Variants in ACOT7 observed in about 807,000 individuals in gnomAD.
ACOT7 encodes the protein cytosolic acyl coenzyme A thioester hydrolase.
Under a neutral mutation model 40.2 loss-of-function variants are expected in ACOT7, and 12 were observed. The ratio of observed to expected loss-of-function variants is 0.30; its 90% CI spans 0.19 to 0.48. The LOEUF is 0.48. ACOT7 is among the 20% of genes least tolerant of loss of function. The probability of loss-of-function intolerance (pLI) is 0.99; values close to 1 mark genes in which losing one functional copy is unlikely to be tolerated. For missense variants in ACOT7, 395 were observed against 530.8 expected (o/e 0.74, Z 2.51); for synonymous variants, 228 against 219.5 (o/e 1.04, Z -0.34).
At chr1:6,287,447 C>T (rs1171602640) in intron 7 of ACOT7, among the ~76,000 whole-genome samples, 1 of 152,258 alleles carries the variant, frequency 6.6e-6, no homozygotes, top group Admixed American at 6.5e-5. Flanking sequence ...GCGACAGTCC[C>T]TGTCTCACTG....
intron 1 of ACOT7, among the ~76,000 whole-genome samples, chr1:6,371,466 G>A (rs1642132791): frequency 6.6e-6 from 1 of 151,502 alleles, no homozygotes; most frequent in South Asian, 2.1e-4. Flanking sequence ...GGGCTCAAGC[G>A]ATTCTCCTGC....
intron 5 of ACOT7, among the ~76,000 whole-genome samples, chr1:6,324,661 A>G (rs72858319): frequency 0.098 from 14,843 of 152,088 alleles, 1,858 homozygotes; most frequent in African/African-American, 0.29. Context: ...AACCGCTCAC[A>G]AAAAGGTAGG....
chr1:6,293,174 C>CT (rs1053072101), intron 7 of ACOT7, among the ~76,000 whole-genome samples: 1 of 152,182 alleles, frequency 6.6e-6, no homozygotes, highest in African/African-American at 2.4e-5. Context: ...CAGGCGTGAG[C>CT]CACAGCGCTC....
At chr1:6,372,840 G>T (rs753759571) in intron 1 of ACOT7, among the ~76,000 whole-genome samples, 1 of 152,102 alleles carries the variant, frequency 6.6e-6, no homozygotes, top group Non-Finnish European at 1.5e-5. Flanking sequence ...ATGTGCCACC[G>T]TGCCTGGCCT....
At chr1:6,266,625 A>G (rs1365220879) in intron 8 of ACOT7, among the ~76,000 whole-genome samples, 2 of 152,252 alleles carry the variant, frequency 1.3e-5, no homozygotes, top group East Asian at 1.9e-4. Flanking sequence ...TGAAGTGGCC[A>G]AGAATGCAAG....
chr1:6,376,974 T>C (rs1642245039), intron 1 of ACOT7, among the ~76,000 whole-genome samples: 1 of 152,122 alleles, frequency 6.6e-6, no homozygotes, highest in Non-Finnish European at 1.5e-5. Context: ...AATACGCACA[T>C]GAAAAGATGC....
In ACOT7 at chr1:6,274,687, G is replaced by C. The variant is rs1639138832; in HGVS notation, c.1014+6415C>G. Among the ~76,000 whole-genome samples the C allele has an allele frequency of 6.6e-6, 1 of 152,196 alleles. No homozygotes were observed. The highest frequency in any genetic ancestry group is 6.5e-5 in the Admixed American group (1 of 15,282). ...GAGGCAAAAGAATCAAACTGGAGTG[G>C]AAAACTTTCCACTAAAATGTGCCCC... On this transcript the variant is annotated intron_variant, in intron 8 of 8. Transcript: ENST00000361521. This position sits in a 1 kb window ranked among gnomAD's most constrained non-coding sequence, Gnocchi z 5.9.
rs1639395065 is a variant in ACOT7, at chr1:6,282,851, G to A, written c.830-1565C>T. On this transcript the variant is annotated intron_variant, in intron 7 of 8. Coordinates refer to ENST00000361521, the MANE Select transcript of ACOT7 (RefSeq NM_007274.4). This position sits in a 1 kb window ranked among gnomAD's most constrained non-coding sequence, Gnocchi z 4.5. Reference sequence around the variant, plus strand: ...CCCGCAGTCACAAGACGCACCCCGGGAGGAGGGCAGGCCATGGGTCAGGCC... The same window carrying A: ...CCCGCAGTCACAAGACGCACCCCGGAAGGAGGGCAGGCCATGGGTCAGGCC... The A allele has an allele frequency of 2.4e-6, 3 of 1,246,150 alleles. No homozygotes were observed. Among genetic ancestry groups the A allele is most frequent in the Non-Finnish European group, 3.2e-6 (3 of 936,092 alleles). The allele number at this position is 1,246,150 out of a possible 1,614,324, so 77.2% of individuals were successfully genotyped here. A position where few individuals can be genotyped will look rare whatever the true frequency, so the allele number is the denominator to read the frequency against.
chr1:6,385,584 C>T, intron 1 of ACOT7: 1 of 1,612,272 alleles, frequency 6.2e-7, no homozygotes, highest in Non-Finnish European at 8.5e-7. Context: ...GGGCCCCACA[C>T]ATCCCTGGCC....
intron 5 of ACOT7, among the ~76,000 whole-genome samples, chr1:6,326,756 T>G (rs1252300422): frequency 6.6e-6 from 1 of 151,776 alleles, no homozygotes; most frequent in Non-Finnish European, 1.5e-5. Flanking sequence ...TGAAACCCCA[T>G]CTCTACTAAA....
At chr1:6,269,868 G>A (rs962675829) in intron 8 of ACOT7, among the ~76,000 whole-genome samples, 6 of 152,220 alleles carry the variant, frequency 3.9e-5, no homozygotes, top group East Asian at 1.9e-4. Flanking sequence ...TGGAGTGCCC[G>A]CCCATAAGCG....
intron 2 of ACOT7, among the ~76,000 whole-genome samples, chr1:6,348,608 C>T (rs529130606): frequency 6.6e-6 from 1 of 152,214 alleles, no homozygotes; most frequent in Admixed American, 6.5e-5. Context: ...CGAGGACACA[C>T]AGGAAGTGAT....
In ACOT7 at chr1:6,358,791, C is replaced by G; in HGVS notation, c.144-8925G>C. 6.2e-7 allele frequency: 1 copy of G among 1,605,706 alleles called. No individual in the cohort carries two copies. Among genetic ancestry groups the G allele is most frequent in the Non-Finnish European group, 8.5e-7 (1 of 1,172,458 alleles). On this transcript the variant is annotated intron_variant, in intron 1 of 8. Transcript: ENST00000361521. The surrounding 1 kb of genome is among the most constrained non-coding windows in gnomAD (Gnocchi z 4.1). ...CTAAACAATCCACCCACAGTGGCCC[C>G]TGCACGGCCTAGACATGCCCATGAC... is the stretch of plus-strand genomic sequence containing the variant.
intron 1 of ACOT7, among the ~76,000 whole-genome samples, chr1:6,382,296 C>CG (rs1015421336): frequency 2.6e-5 from 4 of 151,524 alleles, no homozygotes; most frequent in African/African-American, 4.8e-5. Context: ...CCCAGCTACG[C>CG]GGGGGGCTGA....
chr1:6,388,110 T>C (rs141670872), intron 1 of ACOT7, among the ~76,000 whole-genome samples: 1,458 of 129,836 alleles, frequency 0.011, 79 homozygotes, highest in East Asian at 0.034. Flanking sequence ...CCAGCTAACT[T>C]TTTTTTCTTT....
Position 6,385,381 on chromosome 1 carries a change from G to A in ACOT7, c.143+7876C>T, listed in dbSNP as rs77040297. 3,333 of 1,313,412 alleles carry A rather than the reference G, an allele frequency of 2.5e-3. 68 individuals are homozygous for A. The African/African-American group carries it at 0.041, about 16-fold the overall frequency. The allele number at this position is 1,313,412 out of a possible 1,614,324, so 81.4% of individuals were successfully genotyped here. On this transcript the variant is annotated intron_variant, in intron 1 of 8. Transcript: ENST00000361521. Reference sequence around the variant, plus strand: ...AAAACACACAGCTCATCCAACACCCGACCCTACTACCCTCCCCAAAACTCC... The same window carrying A: ...AAAACACACAGCTCATCCAACACCCAACCCTACTACCCTCCCCAAAACTCC...
chr1:6,388,256 C>G (rs1642473039), intron 1 of ACOT7, among the ~76,000 whole-genome samples: 1 of 151,922 alleles, frequency 6.6e-6, no homozygotes, highest in African/African-American at 2.4e-5. Flanking sequence ...ACTACAGGCG[C>G]ACACCGCCAC....
chr1:6,366,672 T>G (rs1299637356), intron 1 of ACOT7, among the ~76,000 whole-genome samples: 1 of 151,944 alleles, frequency 6.6e-6, no homozygotes, highest in African/African-American at 2.4e-5. Flanking sequence ...TTTTTTTTTT[T>G]TGAGACAGAG....
chr1:6,361,484 T>TA (rs1177166159), intron 1 of ACOT7, among the ~76,000 whole-genome samples: 7 of 152,226 alleles, frequency 4.6e-5, no homozygotes, highest in Non-Finnish European at 1.0e-4. Flanking sequence ...AATAGAGTTA[T>TA]AGCTCAGGAA....
Sources: allele counts gnomAD v4.1 joint callset (sites outside exome capture counted in the v4.1 genomes callset), GRCh38; gene constraint gnomAD v4.1.1; non-coding constraint Gnocchi (gnomAD v3.1); transcripts MANE v1.5; gene names NCBI Gene and HGNC (gene_info 2026-07-23, HGNC 2026-07-21).